Variants in APBB2 observed in about 807,000 individuals in gnomAD.
APBB2 encodes Fe65-like 1.
APBB2 carries 38 observed loss-of-function variants against 82.5 expected under a neutral mutation model. The observed-to-expected ratio is 0.46, with a 90% confidence interval of 0.36 to 0.60. APBB2 has a LOEUF of 0.60. APBB2 is among the 20% of genes least tolerant of loss of function. The pLI is 0.00. For synonymous variants in APBB2, 341 were observed against 368.2 expected (o/e 0.93, Z 0.85); for missense variants, 772 against 972.3 (o/e 0.79, Z 2.74).
chr4:40,978,921 T>C (rs1372589416), intron 6 of APBB2, among the ~76,000 whole-genome samples: 1 of 128,754 alleles, frequency 7.8e-6, no homozygotes, highest in Non-Finnish European at 1.7e-5. Flanking sequence ...TACTTGGAAC[T>C]CATGATTTTT....
intron 1 of APBB2, among the ~76,000 whole-genome samples, chr4:41,161,856 C>T (rs114677251): frequency 0.014 from 2,197 of 151,824 alleles, 35 homozygotes; most frequent in Non-Finnish European, 0.022. Flanking sequence ...ATTTTTTTTC[C>T]GCTTATTATA....
intron 1 of APBB2, among the ~76,000 whole-genome samples, chr4:41,179,452 A>AG (rs369697206): frequency 1.3e-5 from 2 of 152,334 alleles, no homozygotes; most frequent in African/African-American, 4.8e-5. Flanking sequence ...AAGTATCCCC[A>AG]GGTCTACTCT....
intron 6 of APBB2, among the ~76,000 whole-genome samples, chr4:40,983,344 C>T (rs547340737): frequency 1.3e-5 from 2 of 152,172 alleles, no homozygotes; most frequent in Non-Finnish European, 2.9e-5. Flanking sequence ...GTAATCTACC[C>T]TCACATCCAT....
chr4:41,060,689 G>A (rs1404201031), intron 4 of APBB2, among the ~76,000 whole-genome samples: 1 of 152,262 alleles, frequency 6.6e-6, no homozygotes, highest in South Asian at 2.1e-4. Context: ...GCAGGAACAC[G>A]TGCTTCCAGC....
At chr4:41,156,371 G>A (rs555151070) in intron 1 of APBB2, among the ~76,000 whole-genome samples, 3 of 152,188 alleles carry the variant, frequency 2.0e-5, no homozygotes, top group African/African-American at 4.8e-5. Context: ...ATCCTCAACA[G>A]ACTTCCTATA....
At chr4:40,960,195 T>G (rs1792713502) in intron 6 of APBB2, among the ~76,000 whole-genome samples, 1 of 152,248 alleles carries the variant, frequency 6.6e-6, no homozygotes, top group Admixed American at 6.5e-5. Context: ...GAGATTATGT[T>G]GTGAAAACAT....
In APBB2 at chr4:41,117,295, ATT is replaced by A. The variant is rs5857777; in HGVS notation, c.-260-16547_-260-16546del. On this transcript the variant is annotated intron_variant, in intron 2 of 17. Transcript: ENST00000508593. Reference sequence around the variant, plus strand: ...TATTATTGTTGTTATTATTATTATTATTTTTTTTTTTTTTTGAGATGGAGTCT... The same window carrying A: ...TATTATTGTTGTTATTATTATTATTATTTTTTTTTTTTTGAGATGGAGTCT... Among the ~76,000 whole-genome samples, 516 of 129,720 alleles carry A rather than the reference ATT, an allele frequency of 4.0e-3. 2 individuals carry two copies. Among genetic ancestry groups the A allele is most frequent in the African/African-American group, 0.012 (419 of 35,416 alleles). 85.1% of individuals were successfully genotyped at this position (129,720 alleles called of 152,430 possible). A position where few individuals can be genotyped will look rare whatever the true frequency, so the allele number is the denominator to read the frequency against.
intron 6 of APBB2, among the ~76,000 whole-genome samples, chr4:41,006,057 G>A (rs1015920170): frequency 4.6e-5 from 7 of 152,146 alleles, no homozygotes; most frequent in African/African-American, 9.7e-5. Flanking sequence ...TCCGTCCCCT[G>A]AAGTACCTCG....
At chr4:40,917,316 G>C (rs1780087498) in intron 10 of APBB2, among the ~76,000 whole-genome samples, 1 of 152,092 alleles carries the variant, frequency 6.6e-6, no homozygotes, top group South Asian at 2.1e-4. Context: ...TCTTCAGCTT[G>C]ATGGATGAGG....
At chr4:40,976,146 C>G (rs1461836201) in intron 6 of APBB2, among the ~76,000 whole-genome samples, 1 of 151,818 alleles carries the variant, frequency 6.6e-6, no homozygotes, top group Non-Finnish European at 1.5e-5. Flanking sequence ...TCACATAAAA[C>G]CTTCATTATT....
At chr4:40,951,485 C>A (rs757159595) in intron 6 of APBB2, among the ~76,000 whole-genome samples, 1 of 152,234 alleles carries the variant, frequency 6.6e-6, no homozygotes, top group Non-Finnish European at 1.5e-5. Flanking sequence ...GGAGAGTCTG[C>A]GAAGACGCGA....
At chr4:41,087,479 G>A (rs993209610) in intron 3 of APBB2, among the ~76,000 whole-genome samples, 1 of 152,072 alleles carries the variant, frequency 6.6e-6, no homozygotes, top group Admixed American at 6.5e-5. Context: ...ACCCAGACTG[G>A]AGTACAGTGG....
At chr4:41,161,392 A>G (rs2154039928) in intron 1 of APBB2, among the ~76,000 whole-genome samples, 1 of 152,214 alleles carries the variant, frequency 6.6e-6, no homozygotes, top group East Asian at 1.9e-4. Context: ...TAACTCCTTG[A>G]GCCCGGGAGT....
At chr4:40,949,423 T>C (rs1409513065) in intron 6 of APBB2, among the ~76,000 whole-genome samples, 1 of 152,170 alleles carries the variant, frequency 6.6e-6, no homozygotes, top group African/African-American at 2.4e-5. Context: ...AGTTTTTCTT[T>C]AAAATGTTTA....
At chr4:40,851,807 GTTGTTAAGCT>G (rs1759559727) in intron 12 of APBB2, among the ~76,000 whole-genome samples, 1 of 142,660 alleles carries the variant, frequency 7.0e-6, no homozygotes, top group Non-Finnish European at 1.5e-5. Context: ...TGACAAACAT[GTTGTTAAGCT>G]TTCAAGTTCA....
intron 4 of APBB2, among the ~76,000 whole-genome samples, chr4:41,040,081 G>C (rs1317511259): frequency 2.6e-5 from 4 of 152,014 alleles, no homozygotes; most frequent in Admixed American, 1.3e-4. Context: ...CAAGAATGGA[G>C]CTAAAAACTA....
At chr4:40,928,623 T>C (rs1490412175) in intron 10 of APBB2, among the ~76,000 whole-genome samples, 1 of 151,526 alleles carries the variant, frequency 6.6e-6, no homozygotes, top group Non-Finnish European at 1.5e-5. Flanking sequence ...CAGTGGCTCA[T>C]GCCTGTAATC....
At chr4:40,993,721 T>C (rs867208457) in intron 6 of APBB2, among the ~76,000 whole-genome samples, 21 of 152,010 alleles carry the variant, frequency 1.4e-4, no homozygotes, top group African/African-American at 4.4e-4. Context: ...CAAAAGAAAA[T>C]ATTATTTTTT....
intron 10 of APBB2, among the ~76,000 whole-genome samples, chr4:40,932,770 C>T (rs774770295): frequency 1.3e-5 from 2 of 152,188 alleles, no homozygotes; most frequent in African/African-American, 2.4e-5. Context: ...GCCCCCGCCC[C>T]GTTCAAAAAG....
Sources: allele counts gnomAD v4.1 joint callset (sites outside exome capture counted in the v4.1 genomes callset), GRCh38; gene constraint gnomAD v4.1.1; transcripts MANE v1.5; gene names NCBI Gene and HGNC (gene_info 2026-07-23, HGNC 2026-07-21).